HEXA: variants seen among roughly 807,000 people sequenced by gnomAD.
HEXA encodes the protein hexosaminidase subunit alpha.
Under a neutral mutation model 73.3 loss-of-function variants are expected in HEXA, and 54 were observed. The ratio of observed to expected loss-of-function variants is 0.74; its 90% CI spans 0.59 to 0.92. The LOEUF (loss-of-function observed/expected upper bound fraction) is 0.92, where lower values mean the gene tolerates loss of function less well. HEXA is among the 40% of genes least tolerant of loss of function. The pLI, the probability that HEXA is intolerant of heterozygous loss-of-function variation, is 0.00. For missense variants in HEXA, 649 were observed against 653.0 expected (o/e 0.99, Z 0.07); for synonymous variants, 230 against 246.9 (o/e 0.93, Z 0.64).
At chr15:72,352,386 G>C (rs548692957) in intron 5 of HEXA, among the ~76,000 whole-genome samples, 15 of 150,330 alleles carry the variant, frequency 1.0e-4, no homozygotes, top group South Asian at 4.2e-4. Context: ...CAGATTGCTT[G>C]AGCCCAGGAG....
At chr15:72,369,389 G>A (rs2088957936) in intron 1 of HEXA, among the ~76,000 whole-genome samples, 1 of 152,198 alleles carries the variant, frequency 6.6e-6, no homozygotes, top group Admixed American at 6.5e-5. Flanking sequence ...TTTGTTGTCA[G>A]TGGCTCCAAA....
intron 10 of HEXA, 60 bp downstream of exon 10, chr15:72,347,626 G>A: frequency 1.5e-6 from 2 of 1,328,760 alleles, no homozygotes; most frequent in Non-Finnish European, 2.2e-6. Flanking sequence ...GCAGGGAGGA[G>A]CTGGGGAGAC....
Position 72,375,772 on chromosome 15 carries a change from G to T in HEXA, c.201C>A (p.Arg67=), listed in dbSNP as rs766020311. The change falls in exon 1 of 14, where the codon CGC becomes CGA. Residue 67 remains arginine, a synonymous_variant. Transcript: ENST00000268097. ...GCSVLDEAFQ[R]YRDLLFGSGS... is the part of the protein sequence containing the mutation. Reference sequence around the variant, plus strand: ...CGGAACCGAAAAGCAGGTCACGATAGCGCTGGAAGGCCTCGTCGAGGACTG... The same window carrying T: ...CGGAACCGAAAAGCAGGTCACGATATCGCTGGAAGGCCTCGTCGAGGACTG... 1.2e-6 allele frequency: 2 copies of T among 1,614,248 alleles called. No homozygotes were observed. The highest frequency in any genetic ancestry group is 2.2e-5 in the South Asian group (2 of 91,090).
At position 72,343,669 on chromosome 15, in the gene HEXA, T is replaced by C; in HGVS notation, c.*408A>G. 3.7e-6 allele frequency: 1 copy of C among 268,646 alleles called. No homozygotes were observed. Among genetic ancestry groups the C allele is most frequent in the Non-Finnish European group, 7.4e-6 (1 of 135,610 alleles). 16.6% of individuals were successfully genotyped at this position (268,646 alleles called of 1,614,324 possible). A position where few individuals can be genotyped will look rare whatever the true frequency, so the allele number is the denominator to read the frequency against. Reference sequence around the variant, plus strand: ...TTGGAGATATAATGCAGAAGTGAAGTGAGCAGGCTGAGGATTAGGGCAGGT... The same window carrying C: ...TTGGAGATATAATGCAGAAGTGAAGCGAGCAGGCTGAGGATTAGGGCAGGT... On this transcript the variant is annotated 3_prime_UTR_variant, in exon 14 of 14. Transcript: ENST00000268097.
At chr15:72,344,253 T>A in intron 13 of HEXA, 113 bp from the exon 14 acceptor site, 1 of 752,778 alleles carries the variant, frequency 1.3e-6, no homozygotes, top group South Asian at 1.5e-5. Context: ...TCTCAAACTG[T>A]CACTGTACAC....
chr15:72,359,917 T>G (rs2088832521), intron 1 of HEXA: 1 of 152,158 alleles, frequency 6.6e-6, no homozygotes. Flanking sequence ...AGGTCACCTC[T>G]GGACATGGAA....
At chr15:72,371,477 T>C (rs1049162417) in intron 1 of HEXA, among the ~76,000 whole-genome samples, 20 of 151,396 alleles carry the variant, frequency 1.3e-4, no homozygotes, top group African/African-American at 3.4e-4. Flanking sequence ...TCCCAGCTAC[T>C]CAAGAGGCTG....
At chr15:72,351,469 T>C (rs2088695490) in intron 5 of HEXA, 4 of 593,242 alleles carry the variant, frequency 6.7e-6, no homozygotes, top group Non-Finnish European at 9.1e-6. Flanking sequence ...AGATGGATGA[T>C]AGAAGTGGTC....
At chr15:72,366,850 T>C (rs780784817) in intron 1 of HEXA, among the ~76,000 whole-genome samples, 1 of 152,222 alleles carries the variant, frequency 6.6e-6, no homozygotes, top group African/African-American at 2.4e-5. Context: ...CATAGCTAAC[T>C]GTTTGCTTGA....
chr15:72,351,049 G>A, intron 6 of HEXA, 84 bp downstream of exon 6: 2 of 897,256 alleles, frequency 2.2e-6, no homozygotes, highest in Non-Finnish European at 3.7e-6. Flanking sequence ...TGGTTAGGAT[G>A]AGAGACCCTG....
At chr15:72,367,604 A>G (rs1427100081) in intron 1 of HEXA, among the ~76,000 whole-genome samples, 2 of 152,166 alleles carry the variant, frequency 1.3e-5, no homozygotes, top group Non-Finnish European at 2.9e-5. Flanking sequence ...ACTGGACTTT[A>G]CTGGCCTTCT....
In HEXA at chr15:72,349,059, G is replaced by T; in HGVS notation, c.986+20C>A. The T allele has an allele frequency of 1.2e-6, 2 of 1,604,264 alleles. No homozygotes were observed. The highest frequency in any genetic ancestry group is 1.7e-6 in the Non-Finnish European group (2 of 1,171,202). On this transcript the variant is annotated intron_variant, in intron 8 of 13. Transcript: ENST00000268097. ...TAAGCAACTGATCAGGCCACAGTGG[G>T]AAGATCAAAGGGCTCATACCAGCAG...
intron 8 of HEXA, 54 bp downstream of exon 8, chr15:72,349,025 T>C: frequency 6.8e-7 from 1 of 1,469,514 alleles, no homozygotes; most frequent in Non-Finnish European, 9.5e-7. Context: ...TGCTAACTTC[T>C]ATTCTGAGTA....
intron 12 of HEXA, 133 bp downstream of exon 12, chr15:72,346,102 C>T (rs910864604): frequency 8.6e-6 from 6 of 699,954 alleles, no homozygotes; most frequent in South Asian, 1.6e-5. Context: ...TCAGAAGGCT[C>T]GTTGCACGGC....
At position 72,375,758 on chromosome 15, in the gene HEXA, A is replaced by G; in HGVS notation, c.215T>C (p.Leu72Pro). Residue 72 changes from leucine (L) to proline (P), a missense_variant, in exon 1 of 14, where the codon CTT becomes CCT. Transcript: ENST00000268097. ...DEAFQRYRDL[L>P]FGSGSWPRPY... ...ACGGGGCCAAGACCCGGAACCGAAA[A>G]GCAGGTCACGATAGCGCTGGAAGGC... is the stretch of plus-strand genomic sequence containing the variant. 6.2e-7 allele frequency: 1 copy of G among 1,614,184 alleles called. No homozygotes were observed. Among genetic ancestry groups the G allele is most frequent in the Non-Finnish European group, 8.5e-7 (1 of 1,180,028 alleles).
In HEXA at chr15:72,346,703, G is replaced by T. The variant is rs768164612; in HGVS notation, c.1154C>A (p.Pro385Gln). ...TCGCCACACCTGTATGATTGTGTCTGGCTGAATCTGTTATAAAAGGTCAAA... is the reference window on the plus strand; with the variant it reads ...TCGCCACACCTGTATGATTGTGTCTTGCTGAATCTGTTATAAAAGGTCAAA... ...EVFDNKVKIQ[P>Q]DTIIQVWRED... The change falls in exon 11 of 14, where the codon CCA (proline) becomes CAA (glutamine). Residue 385 changes from proline to glutamine, a missense_variant. Pro to Gln is a moderately conservative substitution (Grantham distance 76). Coordinates refer to ENST00000268097, the MANE Select transcript of HEXA (RefSeq NM_000520.6). The T allele has an allele frequency of 4.3e-6, 7 of 1,614,042 alleles. No individual in the cohort carries two copies. In the South Asian group the frequency reaches 7.7e-5, roughly 18 times the overall value.
chr15:72,371,407 G>GACCAGCTGGGGGA (rs1444481144), intron 1 of HEXA, among the ~76,000 whole-genome samples: 1 of 152,022 alleles, frequency 6.6e-6, no homozygotes, highest in Non-Finnish European at 1.5e-5. Flanking sequence ...AGGGGTTCGA[G>GACCAGCTGGGGGA]ACCAGCTGGG....
chr15:72,344,473 GA>G (rs2088585114), intron 13 of HEXA, among the ~76,000 whole-genome samples: 2 of 152,166 alleles, frequency 1.3e-5, no homozygotes, highest in South Asian at 4.1e-4. Flanking sequence ...ATGGATGTCT[GA>G]AAGGCAGCCA....
intron 1 of HEXA, chr15:72,358,857 C>T (rs565554518): frequency 4.3e-4 from 66 of 152,346 alleles, no homozygotes; most frequent in African/African-American, 1.4e-3. Flanking sequence ...TGTGGTTTTC[C>T]GCCTCCAAGT....
Sources: allele counts gnomAD v4.1 joint callset (sites outside exome capture counted in the v4.1 genomes callset), GRCh38; gene constraint gnomAD v4.1.1; transcripts MANE v1.5; gene names NCBI Gene and HGNC (gene_info 2026-07-23, HGNC 2026-07-21).